The following SLC24A2 variants were observed in gnomAD, a reference collection of about 807,000 sequenced individuals.
SLC24A2 encodes solute carrier family 24 member 2.
In SLC24A2, 36 loss-of-function variants were observed where a neutral mutation model predicts 62.0. The observed-to-expected ratio is 0.58, with a 90% confidence interval of 0.44 to 0.77. The LOEUF is 0.77. SLC24A2 is among the 30% of genes least tolerant of loss of function. SLC24A2 has a pLI of 0.00. For synonymous variants in SLC24A2, 358 were observed against 294.0 expected (o/e 1.22, Z -2.23); for missense variants, 846 against 817.9 (o/e 1.03, Z -0.42).
chr9:20,270,372 G>A, the SLC24A2 span, among the ~76,000 whole-genome samples: 603 of 152,278 alleles, frequency 4.0e-3, 5 homozygotes, highest in African/African-American at 0.014. Flanking sequence ...ATGGTAAGGA[G>A]TTTCCTGTGT....
chr9:19,702,028 C>T (rs1820371148), intron 2 of SLC24A2, among the ~76,000 whole-genome samples: 1 of 152,308 alleles, frequency 6.6e-6, no homozygotes, highest in South Asian at 2.1e-4. Context: ...AAAAAAACCA[C>T]ATGATCTTAG....
At chr9:20,068,057 CTTTTTTTTTTTTTT>C in the SLC24A2 span, among the ~76,000 whole-genome samples, 6 of 89,750 alleles carry the variant, frequency 6.7e-5, no homozygotes, top group African/African-American at 2.9e-4. Context: ...TTTTTTGACT[CTTTTTTTTTTTTTT>C]TTTTTTTTTG....
the SLC24A2 span, among the ~76,000 whole-genome samples, chr9:20,231,614 T>A: frequency 1.3e-5 from 2 of 152,376 alleles, no homozygotes; most frequent in African/African-American, 4.8e-5. Context: ...AAGTTGCTTA[T>A]CAGCTTGAGG....
At chr9:19,740,744 G>A (rs571333249) in intron 2 of SLC24A2, among the ~76,000 whole-genome samples, 17 of 152,188 alleles carry the variant, frequency 1.1e-4, no homozygotes, top group African/African-American at 4.1e-4. Context: ...GGAGGTATGG[G>A]GGCTAAAGAA....
At chr9:19,990,675 A>T in the SLC24A2 span, among the ~76,000 whole-genome samples, 1 of 151,148 alleles carries the variant, frequency 6.6e-6, no homozygotes, top group African/African-American at 2.4e-5. Flanking sequence ...TATCAAATGA[A>T]AAATTCCATA....
At chr9:20,130,755 C>A in the SLC24A2 span, among the ~76,000 whole-genome samples, 1 of 152,088 alleles carries the variant, frequency 6.6e-6, no homozygotes, top group Non-Finnish European at 1.5e-5. Context: ...TTGTAGGATG[C>A]AGAGCAGGAG....
the SLC24A2 span, among the ~76,000 whole-genome samples, chr9:20,081,724 G>A: frequency 1.3e-5 from 2 of 152,134 alleles, no homozygotes; most frequent in African/African-American, 4.8e-5. Context: ...CACTGTCACA[G>A]GGTTTGAGAG....
the SLC24A2 span, among the ~76,000 whole-genome samples, chr9:20,087,294 C>T: frequency 6.6e-6 from 1 of 152,160 alleles, no homozygotes; most frequent in Admixed American, 6.5e-5. Flanking sequence ...TCCTCTTCAG[C>T]TTTTCTATAG....
At chr9:20,065,114 A>T in the SLC24A2 span, among the ~76,000 whole-genome samples, 7 of 152,226 alleles carry the variant, frequency 4.6e-5, no homozygotes, top group African/African-American at 1.7e-4. Flanking sequence ...TCCTAAAACA[A>T]CGAATCCTAC....
chr9:19,517,209 T>A (rs1471817908), intron 10 of SLC24A2, among the ~76,000 whole-genome samples: 2 of 152,142 alleles, frequency 1.3e-5, no homozygotes, highest in African/African-American at 4.8e-5. Context: ...GAAAGGAAGA[T>A]GGCTGGAAGT....
intron 8 of SLC24A2, among the ~76,000 whole-genome samples, chr9:19,530,897 G>T (rs1363368501): frequency 6.6e-6 from 1 of 152,122 alleles, no homozygotes; most frequent in African/African-American, 2.4e-5. Context: ...AACTAGGTCA[G>T]CCTGACTGTA....
At chr9:20,091,230 C>A in the SLC24A2 span, among the ~76,000 whole-genome samples, 12 of 151,390 alleles carry the variant, frequency 7.9e-5, no homozygotes, top group African/African-American at 2.4e-4. Context: ...ATCTATGAAT[C>A]ATTGGCATTG....
upstream of SLC24A2, among the ~76,000 whole-genome samples, chr9:19,793,205 C>T (rs962170101): frequency 6.6e-6 from 1 of 152,240 alleles, no homozygotes; most frequent in Admixed American, 6.5e-5. Flanking sequence ...ATCACAGTGG[C>T]TTAAAACAAT....
At chr9:19,921,081 G>GGT in the SLC24A2 span, among the ~76,000 whole-genome samples, 1 of 149,068 alleles carries the variant, frequency 6.7e-6, no homozygotes, top group Non-Finnish European at 1.5e-5. Flanking sequence ...ATTATTATGG[G>GGT]GGGGGGGTGT....
chr9:19,743,132 C>T (rs1334558974), intron 2 of SLC24A2, among the ~76,000 whole-genome samples: 1 of 152,078 alleles, frequency 6.6e-6, no homozygotes, highest in South Asian at 2.1e-4. Flanking sequence ...TACAAGACAA[C>T]AGCTTGTAAA....
intron 10 of SLC24A2, among the ~76,000 whole-genome samples, chr9:19,520,578 T>C (rs1426540323): frequency 6.6e-6 from 1 of 152,128 alleles, no homozygotes; most frequent in Non-Finnish European, 1.5e-5. Context: ...CTTCTTATCA[T>C]GAAGCTATCA....
chr9:19,675,274 A>C (rs2118349447), intron 2 of SLC24A2, among the ~76,000 whole-genome samples: 1 of 152,034 alleles, frequency 6.6e-6, no homozygotes, highest in South Asian at 2.1e-4. Flanking sequence ...AGTGAAATGG[A>C]CTCTGTGAGG....
the SLC24A2 span, among the ~76,000 whole-genome samples, chr9:19,971,323 G>A: frequency 2.6e-5 from 4 of 152,140 alleles, no homozygotes; most frequent in Admixed American, 2.6e-4. Context: ...GTCATTTGTG[G>A]TGGTCTGTTA....
At chr9:20,042,050 A>G in the SLC24A2 span, among the ~76,000 whole-genome samples, 1 of 152,206 alleles carries the variant, frequency 6.6e-6, no homozygotes, top group Non-Finnish European at 1.5e-5. Context: ...TTGTGGTGGG[A>G]CATTTGCCTG....
Sources: allele counts gnomAD v4.1 joint callset (sites outside exome capture counted in the v4.1 genomes callset), GRCh38; gene constraint gnomAD v4.1.1; transcripts MANE v1.5; gene names NCBI Gene and HGNC (gene_info 2026-07-23, HGNC 2026-07-21).